ERC1: variants seen among roughly 807,000 people sequenced by gnomAD.
ERC1 encodes ELKS/RAB6-interacting/CAST family member 1, also known as RAB6 interacting protein 2.
Under a neutral mutation model 132.0 loss-of-function variants are expected in ERC1, and 56 were observed. The observed-to-expected ratio is 0.42, with a 90% CI of 0.34 to 0.53. The LOEUF (loss-of-function observed/expected upper bound fraction) is 0.53, where lower values mean the gene tolerates loss of function less well. ERC1 is among the 20% of genes least tolerant of loss of function. ERC1 has a pLI of 0.03. For missense variants in ERC1, 1,202 were observed against 1,349.9 expected (o/e 0.89, Z 1.72); for synonymous variants, 478 against 476.1 (o/e 1.00, Z -0.05).
At chr12:1,349,187 C>T (rs973226699) in intron 15 of ERC1, among the ~76,000 whole-genome samples, 5 of 152,126 alleles carry the variant, frequency 3.3e-5, no homozygotes, top group Non-Finnish European at 2.9e-5. Flanking sequence ...GAGTCAGTTC[C>T]GTGTTTATAA....
intron 15 of ERC1, among the ~76,000 whole-genome samples, chr12:1,306,076 A>C (rs1474109356): frequency 6.6e-6 from 1 of 152,172 alleles, no homozygotes; most frequent in Non-Finnish European, 1.5e-5. Flanking sequence ...CTTCTGGAAT[A>C]GTTTATTTTT....
Position 1,456,556 on chromosome 12 carries a change from A to G in ERC1, c.3213+11806A>G, listed in dbSNP as rs140131237. On this transcript the variant is annotated intron_variant, in intron 18 of 18. Transcript: ENST00000360905. ...GATATTATTTCTAAATATCTTGTAT[A>G]CATTGAAGAACAGCCATTATTTTAT... Among the ~76,000 whole-genome samples the G allele has an allele frequency of 7.1e-3, 1,080 of 152,240 alleles. 4 individuals are homozygous for G. The highest frequency in any genetic ancestry group is 0.01 in the Middle Eastern group (3 of 294).
At chr12:1,263,889 C>T (rs2077302951) in intron 14 of ERC1, among the ~76,000 whole-genome samples, 1 of 151,856 alleles carries the variant, frequency 6.6e-6, no homozygotes. Context: ...GGGGTTTCAC[C>T]ATGTTGGCCA....
At chr12:1,094,297 G>T (rs1203987963) in intron 3 of ERC1, among the ~76,000 whole-genome samples, 1 of 151,478 alleles carries the variant, frequency 6.6e-6, no homozygotes, top group Admixed American at 6.6e-5. Context: ...GGGACAACAG[G>T]CATGAGCCAC....
chr12:1,020,140 A>T (rs1966124687), intron 1 of ERC1, among the ~76,000 whole-genome samples: 1 of 152,148 alleles, frequency 6.6e-6, no homozygotes, highest in Non-Finnish European at 1.5e-5. Context: ...TGCTTTACAA[A>T]TTACTTCAAA....
intron 16 of ERC1, chr12:1,390,705 A>G (rs1324465444): frequency 2.0e-5 from 3 of 152,206 alleles, no homozygotes; most frequent in Admixed American, 2.0e-4. Context: ...TGGAGTATTA[A>G]ATGAACCCAG....
chr12:1,162,311 A>G (rs1454438816), intron 8 of ERC1, among the ~76,000 whole-genome samples: 1 of 152,230 alleles, frequency 6.6e-6, no homozygotes, highest in African/African-American at 2.4e-5. Flanking sequence ...GAGCATTTGA[A>G]TCTGAGCTGC....
chr12:1,061,084 A>G (rs1196248603), intron 2 of ERC1, among the ~76,000 whole-genome samples: 1 of 152,118 alleles, frequency 6.6e-6, no homozygotes, highest in Non-Finnish European at 1.5e-5. Context: ...AGTACACTAT[A>G]TCACTGCTTC....
At chr12:1,310,242 T>A (rs939902348) in intron 15 of ERC1, among the ~76,000 whole-genome samples, 3 of 151,074 alleles carry the variant, frequency 2.0e-5, no homozygotes, top group Admixed American at 1.3e-4. Flanking sequence ...TTATTTTATT[T>A]TGAGGAACAG....
intron 17 of ERC1, among the ~76,000 whole-genome samples, chr12:1,428,735 C>T (rs758134501): frequency 4.6e-5 from 7 of 152,186 alleles, no homozygotes; most frequent in African/African-American, 4.8e-5. Context: ...CTCAGCTCCG[C>T]GCTGATTTGT....
At chr12:1,212,194 A>T (rs1363902977) in intron 12 of ERC1, among the ~76,000 whole-genome samples, 1 of 152,046 alleles carries the variant, frequency 6.6e-6, no homozygotes, top group Admixed American at 6.5e-5. Flanking sequence ...GGCTTTGCTT[A>T]CCTTTAGCTT....
Position 1,492,606 on chromosome 12 carries a change from G to A in ERC1, c.*2376G>A, listed in dbSNP as rs759969466. 33 of 233,058 alleles carry A rather than the reference G, an allele frequency of 1.4e-4. No individual in the cohort carries two copies. In the Admixed American group the frequency reaches 1.5e-3, roughly 10 times the overall value. The allele number at this position is 233,058 out of a possible 1,614,324, so 14.4% of individuals were successfully genotyped here. On this transcript the variant is annotated 3_prime_UTR_variant, in exon 19 of 19. Coordinates refer to ENST00000360905, the MANE Select transcript of ERC1 (RefSeq NM_178040.4). Reference sequence around the variant, plus strand: ...TCCATCACTTCCCCTCCAGAAAAACGGATGGAAGGAAGCCCTCTGTGACAC... The same window carrying A: ...TCCATCACTTCCCCTCCAGAAAAACAGATGGAAGGAAGCCCTCTGTGACAC...
intron 17 of ERC1, among the ~76,000 whole-genome samples, chr12:1,429,362 T>G (rs2092728122): frequency 6.6e-6 from 1 of 152,218 alleles, no homozygotes; most frequent in South Asian, 2.1e-4. Flanking sequence ...ACTCATATTG[T>G]TTTGTCTTCT....
chr12:1,224,993 AAG>A (rs971341567), intron 12 of ERC1, among the ~76,000 whole-genome samples: 11 of 152,178 alleles, frequency 7.2e-5, no homozygotes, highest in African/African-American at 2.4e-4. Flanking sequence ...GAAAGAAAGA[AAG>A]AAAAGAAAAG....
At chr12:1,061,989 CTTTT>C in intron 2 of ERC1, among the ~76,000 whole-genome samples, 1 of 117,398 alleles carries the variant, frequency 8.5e-6, no homozygotes, top group Middle Eastern at 4.4e-3. Context: ...TTCTTTTCTT[CTTTT>C]TTTTTTTTTT....
intron 13 of ERC1, among the ~76,000 whole-genome samples, chr12:1,259,165 A>T (rs1334645146): frequency 2.0e-5 from 3 of 152,118 alleles, no homozygotes; most frequent in Non-Finnish European, 4.4e-5. Flanking sequence ...CACTTCTCTT[A>T]TTCTTTTCTA....
chr12:1,082,564 C>T (rs1330820601), intron 2 of ERC1, among the ~76,000 whole-genome samples: 2 of 148,242 alleles, frequency 1.3e-5, no homozygotes, highest in African/African-American at 2.5e-5. Context: ...AGTCTTGGCT[C>T]ACTGCAATTC....
intron 8 of ERC1, among the ~76,000 whole-genome samples, chr12:1,148,872 G>C (rs569675052): frequency 9.8e-5 from 15 of 152,296 alleles, no homozygotes; most frequent in African/African-American, 2.6e-4. Context: ...AAAGTGCAGG[G>C]ATCACAGGCA....
intron 1 of ERC1, among the ~76,000 whole-genome samples, chr12:1,015,718 G>A (rs768232163): frequency 2.6e-5 from 4 of 152,042 alleles, no homozygotes; most frequent in South Asian, 2.1e-4. Context: ...CATATTTCTC[G>A]TCCCTAGTAA....
Sources: gnomAD v4.1 joint callset for allele counts (sites outside exome capture counted in the v4.1 genomes callset) on GRCh38, gnomAD v4.1.1 for gene constraint, MANE v1.5 for transcripts, NCBI Gene and HGNC (gene_info 2026-07-23, HGNC 2026-07-21) for gene names.